The following SOX10 variants were observed in gnomAD, a reference collection of about 807,000 sequenced individuals.
The protein encoded by SOX10 is SRY-box transcription factor 10.
In SOX10, 3 loss-of-function variants were observed where a neutral mutation model predicts 35.0. That is an observed-to-expected ratio of 0.09 (90% CI 0.04 to 0.22). The LOEUF (loss-of-function observed/expected upper bound fraction) is 0.22. SOX10 is among the 10% of genes least tolerant of loss of function. The pLI, the probability that SOX10 is intolerant of heterozygous loss-of-function variation, is 1.00. For synonymous variants in SOX10, 285 were observed against 291.0 expected, an observed-to-expected ratio of 0.98 and a Z score of 0.21; for missense variants, 436 against 655.1, an observed-to-expected ratio of 0.67 and a Z score of 3.65.
At position 37,983,481 on chromosome 22, in the gene SOX10, G is replaced by T. The variant is rs758261188; in HGVS notation, c.304C>A (p.Pro102Thr). Residue 102 changes from proline to threonine, a missense_variant, in exon 2 of 4, where the codon CCG becomes ACG. Coordinates refer to ENST00000396884, the MANE Select transcript of SOX10 (RefSeq NM_006941.4). The surrounding 1 kb of genome is among the most constrained non-coding windows in gnomAD (Gnocchi z 9.5). Reference protein sequence around the residue: ...VRVNGASKSKPHVKRPMNAFM... With the variant: ...VRVNGASKSKTHVKRPMNAFM... ...GCGTTCATGGGCCGCTTGACGTGCG[G>T]CTTGCTTTTGCTGGCGCCGTTGACG... 1.2e-6 allele frequency: 2 copies of T among 1,611,828 alleles called. No individual in the cohort carries two copies. The highest frequency in any genetic ancestry group is 1.1e-5 in the South Asian group (1 of 90,872).
rs1174081607 is a variant in SOX10 at position 37,974,681 on chromosome 22, T to C, written c.698-483A>G. On this transcript the variant is annotated intron_variant, in intron 3 of 3. Transcript: ENST00000396884. This position sits in a 1 kb window ranked among gnomAD's most constrained non-coding sequence, Gnocchi z 5.4. The stretch of plus-strand genomic sequence containing the variant: ...TTTGTTTAAATACTGGTGTCTTAGA[T>C]TGATCTCTAGTTGTTTATGAAATTC... 1.3e-5 allele frequency among the ~76,000 whole-genome samples: 2 copies of C among 152,128 alleles called. No homozygotes were observed. Among genetic ancestry groups the C allele is most frequent in the Non-Finnish European group, 2.9e-5 (2 of 68,020 alleles).
At position 37,978,087 on chromosome 22, in the gene SOX10, C is replaced by A; in HGVS notation, c.477G>T (p.Arg159=). Residue 159 remains arginine (R), a synonymous_variant, in exon 3 of 4, where the codon CGG becomes CGT. Transcript: ENST00000396884. This position sits in a 1 kb window ranked among gnomAD's most constrained non-coding sequence, Gnocchi z 5.0. ...DKRPFIEEAE[R]LRMQHKKDHP... The stretch of plus-strand genomic sequence containing the variant: ...GGTCTTTCTTGTGCTGCATACGGAG[C>A]CGCTCAGCCTCCTCGATGAAGGGGC... The A allele has an allele frequency of 6.3e-7, 1 of 1,599,064 alleles. No homozygotes were observed. The highest frequency in any genetic ancestry group is 8.5e-7 in the Non-Finnish European group (1 of 1,172,042).
At position 37,973,816 on chromosome 22, in the gene SOX10, G is replaced by C. The variant is rs775757190; in HGVS notation, c.1080C>G (p.Thr360=). The C allele has an allele frequency of 6.3e-7, 1 of 1,599,894 alleles. No homozygotes were observed. The highest frequency in any genetic ancestry group is 1.1e-5 in the South Asian group (1 of 90,678). The change falls in exon 4 of 4, where the codon ACC becomes ACG. Residue 360 remains threonine (T), a synonymous_variant. Coordinates refer to ENST00000396884, the MANE Select transcript of SOX10 (RefSeq NM_006941.4). ...VDAKAQVKTE[T]AGPQGPPHYT... is the part of the protein sequence containing the mutation. ...AGTGTGGGGGCCCCTGGGGCCCCGC[G>C]GTCTCTGTCTTCACCTGGGCTTTGG...
At position 37,978,008 on chromosome 22, in the gene SOX10, C is replaced by T; in HGVS notation, c.556G>A (p.Gly186Ser). 6.2e-7 allele frequency: 1 copy of T among 1,611,722 alleles called. No homozygotes were observed. The highest frequency in any genetic ancestry group is 1.1e-5 in the South Asian group (1 of 90,976). ...TCCCCACCGGGGCACTCCGCCTCGC[C>T]CTGGGCGGCCTTCCCGTTCTTCCGC... ...RRRKNGKAAQGEAECPGGEAE... is the reference protein window; with the variant it reads ...RRRKNGKAAQSEAECPGGEAE... The change falls in exon 3 of 4, where the codon GGC becomes AGC. Residue 186 changes from glycine to serine, a missense_variant. By Grantham distance (56) the Gly-to-Ser change is moderately conservative. Around this residue, in one of 3 missense-constraint regions of SOX10, gnomAD observed 285 missense variants for 402.9 expected, o/e 0.71. Transcript: ENST00000396884. This position sits in a 1 kb window ranked among gnomAD's most constrained non-coding sequence, Gnocchi z 5.0.
rs1601877669 is a variant in SOX10, at chr22:37,972,402, T to C, written c.*1093A>G. 1.3e-5 allele frequency: 5 copies of C among 393,242 alleles called. No homozygotes were observed. Among genetic ancestry groups the C allele is most frequent in the Middle Eastern group, 3.7e-4 (1 of 2,678 alleles). 24.4% of individuals were successfully genotyped at this position (393,242 alleles called of 1,614,324 possible). Reference sequence around the variant, plus strand: ...TAGGAGAGGGGACTACTGAGATAAATAACAGGAGACAGTAATGAGTTACAT... The same window carrying C: ...TAGGAGAGGGGACTACTGAGATAAACAACAGGAGACAGTAATGAGTTACAT... On this transcript the variant is annotated 3_prime_UTR_variant, in exon 4 of 4. Transcript: ENST00000396884.
At chr22:37,975,474 ATG>A (rs138654432) in intron 3 of SOX10, among the ~76,000 whole-genome samples, 1 of 151,674 alleles carries the variant, frequency 6.6e-6, no homozygotes, top group African/African-American at 2.4e-5. Context: ...GGGTCTCCTG[ATG>A]TGTGTGTGTG....
chr22:37,983,251 C>CT lies in SOX10; in HGVS notation c.428+105dup. 1 of 1,322,382 alleles carries CT rather than the reference C, an allele frequency of 7.6e-7. No homozygotes were observed. The allele number at this position is 1,322,382 out of a possible 1,614,324, so 81.9% of individuals were successfully genotyped here. A position where few individuals can be genotyped will look rare whatever the true frequency, so the allele number is the denominator to read the frequency against. Reference sequence around the variant, plus strand: ...GTCTTCCAGCCCTATCCAAGGAGGACTGCCAGACAGTCCCGCTCTGAGGTG... The same window carrying CT: ...GTCTTCCAGCCCTATCCAAGGAGGACTTGCCAGACAGTCCCGCTCTGAGGTG... On this transcript the variant is annotated intron_variant, in intron 2 of 3. Coordinates refer to ENST00000396884, the MANE Select transcript of SOX10 (RefSeq NM_006941.4). This position sits in a 1 kb window ranked among gnomAD's most constrained non-coding sequence, Gnocchi z 9.5.
In SOX10 at chr22:37,972,847, G is replaced by GACAAAGAAAGAAA. The variant is rs1932100240; in HGVS notation, c.*647_*648insTTTCTTTCTTTGT. On this transcript the variant is annotated 3_prime_UTR_variant, in exon 4 of 4. Coordinates refer to ENST00000396884, the MANE Select transcript of SOX10 (RefSeq NM_006941.4). ...GGGCTGTTTCTCAGACAAAGAATGA[G>GACAAAGAAAGAAA]GTTATTGGCACAGAATTGGATCAGG... 1 of 153,692 alleles carries GACAAAGAAAGAAA rather than the reference G, an allele frequency of 6.5e-6. No homozygotes were observed. Among genetic ancestry groups the GACAAAGAAAGAAA allele is most frequent in the Non-Finnish European group, 1.4e-5 (1 of 69,050 alleles). 9.5% of individuals were successfully genotyped at this position (153,692 alleles called of 1,614,324 possible).
intron 3 of SOX10, among the ~76,000 whole-genome samples, chr22:37,975,814 G>C (rs1229312148): frequency 1.3e-5 from 2 of 152,152 alleles, no homozygotes. Flanking sequence ...AGCCTTCCTT[G>C]ACAAGAGTCT....
rs1432172429 is a variant in SOX10, at chr22:37,973,786, G to A, written c.1110C>T (p.Thr370=). The part of the protein sequence containing the change: ...TAGPQGPPHY[T]DQPSTSQIAY... ...CGATCTGTGAGGTGGATGGCTGGTC[G>A]GTGTAGTGTGGGGGCCCCTGGGGCC... Residue 370 remains threonine (T), a synonymous_variant, in exon 4 of 4, where the codon ACC becomes ACT. Transcript: ENST00000396884. The A allele has an allele frequency of 6.9e-6, 11 of 1,593,052 alleles. No homozygotes were observed. Among genetic ancestry groups the A allele is most frequent in the East Asian group, 4.5e-5 (2 of 44,516 alleles).
chr22:37,978,307 G>A lies in SOX10; in HGVS notation c.429-172C>T, dbSNP rs1235321220. On this transcript the variant is annotated intron_variant, in intron 2 of 3. Transcript: ENST00000396884. This position sits in a 1 kb window ranked among gnomAD's most constrained non-coding sequence, Gnocchi z 5.0. Reference sequence around the variant, plus strand: ...CTGTGCCCTATGATTTGTGGACTGAGAGATGTGAGGCCCAAGGAATAACAG... The same window carrying A: ...CTGTGCCCTATGATTTGTGGACTGAAAGATGTGAGGCCCAAGGAATAACAG... 6.6e-6 allele frequency among the ~76,000 whole-genome samples: 1 copy of A among 152,214 alleles called. No individual in the cohort carries two copies. The highest frequency in any genetic ancestry group is 1.9e-4 in the East Asian group (1 of 5,186).
In SOX10 at chr22:37,980,128, G is replaced by A. The variant is rs1228401396; in HGVS notation, c.429-1993C>T. On this transcript the variant is annotated intron_variant, in intron 2 of 3. Coordinates refer to ENST00000396884, the MANE Select transcript of SOX10 (RefSeq NM_006941.4). The surrounding 1 kb of genome is among the most constrained non-coding windows in gnomAD (Gnocchi z 4.1). ...CAGCCGAGACTCTGTCAGAGTCAGT[G>A]TACACACTTAGGACAAAGATGCCGG... Among the ~76,000 whole-genome samples, 1 of 152,144 alleles carries A rather than the reference G, an allele frequency of 6.6e-6. No homozygotes were observed. The highest frequency in any genetic ancestry group is 1.5e-5 in the Non-Finnish European group (1 of 68,030).
rs964595466 is a variant in SOX10, at chr22:37,980,285, A to C, written c.429-2150T>G. 3.9e-5 allele frequency among the ~76,000 whole-genome samples: 6 copies of C among 152,080 alleles called. No individual in the cohort carries two copies. The highest frequency in any genetic ancestry group is 1.4e-4 in the African/African-American group (6 of 41,384). ...CAGAGGAGAGAGCTGCTCCGCCAGCAGTGGACCCCAACAGAGGGGCTTCTG... is the reference window on the plus strand; with the variant it reads ...CAGAGGAGAGAGCTGCTCCGCCAGCCGTGGACCCCAACAGAGGGGCTTCTG... On this transcript the variant is annotated intron_variant, in intron 2 of 3. Coordinates refer to ENST00000396884, the MANE Select transcript of SOX10 (RefSeq NM_006941.4). This position sits in a 1 kb window ranked among gnomAD's most constrained non-coding sequence, Gnocchi z 4.1.
chr22:37,973,593 G>C lies in SOX10; in HGVS notation c.1303C>G (p.Leu435Val). The C allele has an allele frequency of 6.2e-7, 1 of 1,613,230 alleles. No individual in the cohort carries two copies. Among genetic ancestry groups the C allele is most frequent in the Non-Finnish European group, 8.5e-7 (1 of 1,179,738 alleles). Residue 435 changes from leucine (L) to valine (V), a missense_variant, in exon 4 of 4, where the codon CTC becomes GTC. Physicochemically the swap from Leu to Val is conservative, Grantham distance 32 (BLOSUM62 1). This residue lies in a region of SOX10 where 285 missense variants were observed against 402.9 expected (regional missense o/e 0.71). Transcript: ENST00000396884. The part of the protein sequence containing the change: ...FSYMGPSQRP[L>V]YTAISDPSPS... Reference sequence around the variant, plus strand: ...CTGGGGTCAGAGATGGCCGTGTAGAGGGGCCGCTGCGAGGGCCCCATATAG... The same window carrying C: ...CTGGGGTCAGAGATGGCCGTGTAGACGGGCCGCTGCGAGGGCCCCATATAG...
chr22:37,983,846 C>T lies in SOX10; in HGVS notation c.-62G>A. ...CTCCCCCGGGCCAGCCGCCGGGGTC[C>T]TCGCAAAGAGTCCAACGCCCACCTG... is the stretch of plus-strand genomic sequence containing the variant. On this transcript the variant is annotated 5_prime_UTR_variant, in exon 2 of 4. Coordinates refer to ENST00000396884, the MANE Select transcript of SOX10 (RefSeq NM_006941.4). The surrounding 1 kb of genome is among the most constrained non-coding windows in gnomAD (Gnocchi z 9.5). The T allele has an allele frequency of 7.6e-7, 1 of 1,316,756 alleles. No homozygotes were observed. Among genetic ancestry groups the T allele is most frequent in the African/African-American group, 1.6e-5 (1 of 62,554 alleles). The allele number at this position is 1,316,756 out of a possible 1,614,324, so 81.6% of individuals were successfully genotyped here.
Position 37,978,782 on chromosome 22 carries a change from C to CT in SOX10, c.429-648dup, listed in dbSNP as rs1218261959. On this transcript the variant is annotated intron_variant, in intron 2 of 3. Coordinates refer to ENST00000396884, the MANE Select transcript of SOX10 (RefSeq NM_006941.4). The surrounding 1 kb of genome is among the most constrained non-coding windows in gnomAD (Gnocchi z 5.0). The stretch of plus-strand genomic sequence containing the variant: ...GAGGAAGAGGTGCTTTTCTTTCTTT[C>CT]TTTTTTTTTTCTGTGAGGGAATCTC... 4.7e-5 allele frequency among the ~76,000 whole-genome samples: 7 copies of CT among 149,616 alleles called. No homozygotes were observed. Among genetic ancestry groups the CT allele is most frequent in the African/African-American group, 9.8e-5 (4 of 40,710 alleles).
Position 37,973,756 on chromosome 22 carries a change from G to A in SOX10, c.1140C>T (p.Tyr380=), listed in dbSNP as rs1283894850. 1.9e-5 allele frequency: 31 copies of A among 1,599,080 alleles called. No individual in the cohort carries two copies. The highest frequency in any genetic ancestry group is 2.6e-5 in the Non-Finnish European group (30 of 1,170,414). ...CATAGTGGGGCAGGCTGAGGGAGGT[G>A]TAGGCGATCTGTGAGGTGGATGGCT... ...TDQPSTSQIA[Y]TSLSLPHYGS... Residue 380 remains tyrosine (Y), a synonymous_variant, in exon 4 of 4, where the codon TAC becomes TAT. Transcript: ENST00000396884.
chr22:37,983,296 G>A lies in SOX10; in HGVS notation c.428+61C>T. 2 of 1,547,338 alleles carry A rather than the reference G, an allele frequency of 1.3e-6. No homozygotes were observed. Among genetic ancestry groups the A allele is most frequent in the Admixed American group, 1.9e-5 (1 of 52,058 alleles). On this transcript the variant is annotated intron_variant, in intron 2 of 3. Transcript: ENST00000396884. The surrounding 1 kb of genome is among the most constrained non-coding windows in gnomAD (Gnocchi z 9.5). ...GAGGTGCAGGAGGCCGGGCCGCCTC[G>A]GCTACCCTGAATCCACCCGAAGCTA...
chr22:37,975,814 G>A (rs1229312148), intron 3 of SOX10, among the ~76,000 whole-genome samples: 1 of 152,152 alleles, frequency 6.6e-6, no homozygotes, highest in Non-Finnish European at 1.5e-5. Context: ...AGCCTTCCTT[G>A]ACAAGAGTCT....
Sources: allele counts gnomAD v4.1 joint callset (sites outside exome capture counted in the v4.1 genomes callset), GRCh38; gene constraint gnomAD v4.1.1; regional missense constraint gnomAD v4.1.1; non-coding constraint Gnocchi (gnomAD v3.1); transcripts MANE v1.5; gene names NCBI Gene and HGNC (gene_info 2026-07-23, HGNC 2026-07-21).